NCKAP5: variants seen among roughly 807,000 people sequenced by gnomAD.
The protein encoded by NCKAP5 is nck-associated protein 5.
In NCKAP5, 92 loss-of-function variants were observed where a neutral mutation model predicts 167.0. The ratio of observed to expected loss-of-function variants is 0.55; its 90% confidence interval spans 0.47 to 0.66. The LOEUF (loss-of-function observed/expected upper bound fraction) is 0.66, where lower values mean the gene tolerates loss of function less well. Among genes scored for constraint, NCKAP5 ranks in the 30% least tolerant of loss-of-function variants. The pLI, the probability that NCKAP5 is intolerant of heterozygous loss-of-function variation, is 0.00. For missense variants in NCKAP5, 2,378 were observed against 2,315.0 expected (o/e 1.03, Z -0.56); for synonymous variants, 891 against 877.4 (o/e 1.02, Z -0.27).
chr2:132,861,512 A>T (rs75149638), intron 10 of NCKAP5, among the ~76,000 whole-genome samples: 1 of 148,280 alleles, frequency 6.7e-6, no homozygotes, highest in African/African-American at 2.5e-5. Context: ...AAAAAAAAAA[A>T]TGTCTTCTGT....
At chr2:133,043,779 GACTTTGTTTCAT>G (rs1168811762) in intron 6 of NCKAP5, among the ~76,000 whole-genome samples, 1 of 151,974 alleles carries the variant, frequency 6.6e-6, no homozygotes, top group Non-Finnish European at 1.5e-5. Context: ...TGAGGGCAGA[GACTTTGTTTCAT>G]ACTTTATTCT....
intron 11 of NCKAP5, among the ~76,000 whole-genome samples, chr2:132,808,448 G>A (rs1361952751): frequency 6.6e-6 from 1 of 152,050 alleles, no homozygotes; most frequent in Non-Finnish European, 1.5e-5. Flanking sequence ...GCTTGTTAAT[G>A]GTCTGTTCAG....
At chr2:133,231,054 G>C (rs1035326706) in intron 4 of NCKAP5, among the ~76,000 whole-genome samples, 3 of 152,134 alleles carry the variant, frequency 2.0e-5, no homozygotes, top group Non-Finnish European at 4.4e-5. Context: ...ATATTGTGAG[G>C]CTCCCTCCAA....
chr2:133,021,383 GA>G (rs1379958922), intron 6 of NCKAP5, among the ~76,000 whole-genome samples: 3 of 152,034 alleles, frequency 2.0e-5, no homozygotes, highest in Admixed American at 6.5e-5. Context: ...AGTGGAATGG[GA>G]AAAAATAGAT....
intron 19 of NCKAP5, among the ~76,000 whole-genome samples, chr2:132,688,552 A>G (rs954122614): frequency 2.4e-4 from 36 of 152,214 alleles, no homozygotes; most frequent in African/African-American, 8.4e-4. Flanking sequence ...AACATGTCTC[A>G]GAACATGTAA....
At chr2:133,407,990 C>T (rs1574899812) in intron 3 of NCKAP5, among the ~76,000 whole-genome samples, 1 of 152,280 alleles carries the variant, frequency 6.6e-6, no homozygotes, top group African/African-American at 2.4e-5. Flanking sequence ...ATATGCCCAT[C>T]TTTTCCCCAT....
At chr2:133,345,221 G>A (rs1372097612) in intron 3 of NCKAP5, among the ~76,000 whole-genome samples, 1 of 152,098 alleles carries the variant, frequency 6.6e-6, no homozygotes, top group Non-Finnish European at 1.5e-5. Flanking sequence ...CCCATTGTCT[G>A]GGAAGTGAGG....
At chr2:133,255,833 T>C (rs1456638659) in intron 4 of NCKAP5, among the ~76,000 whole-genome samples, 1 of 152,202 alleles carries the variant, frequency 6.6e-6, no homozygotes, top group East Asian at 1.9e-4. Context: ...AGAATGGGTA[T>C]ACAAAGCTTA....
At chr2:132,766,641 T>C (rs568561349) in intron 16 of NCKAP5, among the ~76,000 whole-genome samples, 1 of 152,334 alleles carries the variant, frequency 6.6e-6, no homozygotes, top group South Asian at 2.1e-4. Context: ...TTCCTTTCAT[T>C]TTGATAAGCA....
chr2:133,141,801 T>C (rs920593721), intron 5 of NCKAP5, among the ~76,000 whole-genome samples: 1 of 152,190 alleles, frequency 6.6e-6, no homozygotes, highest in Non-Finnish European at 1.5e-5. Flanking sequence ...CAGCTTCCAT[T>C]ATTTCATCGT....
At chr2:133,608,569 T>C in the NCKAP5 span, among the ~76,000 whole-genome samples, 2,503 of 152,236 alleles carry the variant, frequency 0.016, 68 homozygotes, top group African/African-American at 0.057. Context: ...TCAGTGTTCT[T>C]CCCTGGATGA....
intron 2 of NCKAP5, among the ~76,000 whole-genome samples, chr2:133,520,052 A>G (rs1181887300): frequency 2.0e-5 from 3 of 152,122 alleles, no homozygotes; most frequent in Admixed American, 6.5e-5. Flanking sequence ...TTAGCTGGGC[A>G]TGGTGGTGAG....
chr2:133,619,544 A>T, the NCKAP5 span, among the ~76,000 whole-genome samples: 12 of 152,068 alleles, frequency 7.9e-5, no homozygotes, highest in African/African-American at 2.7e-4. Context: ...AAGACAAAGA[A>T]AAAAGAATGG....
At chr2:133,182,535 C>T (rs1209834067) in intron 5 of NCKAP5, among the ~76,000 whole-genome samples, 1 of 152,070 alleles carries the variant, frequency 6.6e-6, no homozygotes, top group Non-Finnish European at 1.5e-5. Flanking sequence ...ATTTATGTGT[C>T]AAACAAGTCT....
chr2:133,366,928 C>G (rs1483356423), intron 3 of NCKAP5, among the ~76,000 whole-genome samples: 2 of 152,094 alleles, frequency 1.3e-5, no homozygotes, highest in South Asian at 4.1e-4. Context: ...CATGAAATTA[C>G]GTTCACCACA....
chr2:133,403,834 T>C (rs187640072), intron 3 of NCKAP5, among the ~76,000 whole-genome samples: 1 of 152,322 alleles, frequency 6.6e-6, no homozygotes, highest in Admixed American at 6.5e-5. Flanking sequence ...AAACACATTT[T>C]ACTGATGTGT....
intron 3 of NCKAP5, among the ~76,000 whole-genome samples, chr2:133,400,409 G>A (rs1292708341): frequency 6.6e-6 from 1 of 152,186 alleles, no homozygotes; most frequent in Non-Finnish European, 1.5e-5. Context: ...AGATCATCCT[G>A]GATTACTGGT....
In NCKAP5 at chr2:133,330,403, T is replaced by G. The variant is rs541909772; in HGVS notation, c.70-27293A>C. 3.3e-4 allele frequency among the ~76,000 whole-genome samples: 50 copies of G among 151,166 alleles called. 1 individual carries two copies. The highest frequency in any genetic ancestry group is 8.4e-4 in the South Asian group (4 of 4,782). On this transcript the variant is annotated intron_variant, in intron 3 of 19. Transcript: ENST00000409261. ...CCTGGCTTACATTGTTTTTGTTTTTTTTTTTTCTTATTAAATGTATCAATA... is the reference window on the plus strand; with the variant it reads ...CCTGGCTTACATTGTTTTTGTTTTTGTTTTTTCTTATTAAATGTATCAATA...
chr2:132,726,662 T>A (rs1432715043), intron 18 of NCKAP5, among the ~76,000 whole-genome samples: 4 of 152,240 alleles, frequency 2.6e-5, no homozygotes, highest in Non-Finnish European at 5.9e-5. Context: ...GGTTGGGGAA[T>A]GTAAAAACAC....
Sources: gnomAD v4.1 joint callset for allele counts (sites outside exome capture counted in the v4.1 genomes callset) on GRCh38, gnomAD v4.1.1 for gene constraint, MANE v1.5 for transcripts, NCBI Gene and HGNC (gene_info 2026-07-23, HGNC 2026-07-21) for gene names.